CRACD: variants seen among roughly 807,000 people sequenced by gnomAD.
CRACD encodes the protein capping protein inhibiting regulator of actin dynamics, also known as capping protein-inhibiting regulator of actin dynamics.
A neutral mutation model predicts 106.8 loss-of-function variants in CRACD; 56 were observed. The observed-to-expected ratio is 0.52, with a 90% confidence interval of 0.42 to 0.66. The LOEUF (loss-of-function observed/expected upper bound fraction) is 0.66, where lower values mean the gene tolerates loss of function less well. Ranked by LOEUF, CRACD falls within the 30% of genes least tolerant of loss-of-function variation. The pLI is 0.00. For missense variants in CRACD, 1,730 were observed against 1,623.2 expected, an observed-to-expected ratio of 1.07 and a Z score of -1.13; for synonymous variants, 754 against 670.8, an observed-to-expected ratio of 1.12 and a Z score of -1.92.
intron 1 of CRACD, among the ~76,000 whole-genome samples, chr4:56,160,940 C>T (rs961249101): frequency 6.6e-6 from 1 of 152,116 alleles, no homozygotes; most frequent in Non-Finnish European, 1.5e-5. Context: ...ACCTGTTCAC[C>T]AATGCAGGAG....
intron 1 of CRACD, among the ~76,000 whole-genome samples, chr4:56,073,770 C>G (rs868546755): frequency 3.3e-4 from 45 of 136,070 alleles, no homozygotes; most frequent in African/African-American, 1.0e-3. Context: ...AGTCATGAAG[C>G]CTTTGCCCAT....
At chr4:56,174,928 A>G (rs1371321524) in intron 1 of CRACD, among the ~76,000 whole-genome samples, 1 of 152,218 alleles carries the variant, frequency 6.6e-6, no homozygotes, top group Non-Finnish European at 1.5e-5. Context: ...GGCATGTGTT[A>G]CATGGTGGCA....
chr4:56,116,906 C>T (rs947847996), intron 1 of CRACD, among the ~76,000 whole-genome samples: 3 of 151,744 alleles, frequency 2.0e-5, no homozygotes, highest in African/African-American at 4.8e-5. Context: ...CAGGGTTTCG[C>T]CATGTTGGCC....
intron 1 of CRACD, among the ~76,000 whole-genome samples, chr4:56,087,663 T>C (rs1179849121): frequency 6.6e-6 from 1 of 152,190 alleles, no homozygotes; most frequent in Non-Finnish European, 1.5e-5. Flanking sequence ...CTCCTACACA[T>C]CACACTCTTT....
intron 1 of CRACD, among the ~76,000 whole-genome samples, chr4:56,163,094 C>T (rs1384731597): frequency 6.6e-6 from 1 of 152,174 alleles, no homozygotes; most frequent in African/African-American, 2.4e-5. Flanking sequence ...CCTCTTCACC[C>T]TCCACGCTAT....
At chr4:56,152,344 A>G (rs1735611930) in intron 1 of CRACD, among the ~76,000 whole-genome samples, 1 of 151,602 alleles carries the variant, frequency 6.6e-6, no homozygotes, top group Admixed American at 6.6e-5. Context: ...TTTGTAATAA[A>G]TATTTTTGGC....
intron 1 of CRACD, among the ~76,000 whole-genome samples, chr4:56,130,010 A>G (rs1344524490): frequency 3.9e-5 from 6 of 152,204 alleles, no homozygotes; most frequent in Non-Finnish European, 5.9e-5. Context: ...ACAATGGCTC[A>G]TATGTGTAGT....
At chr4:56,075,545 A>G (rs189470977) in intron 1 of CRACD, among the ~76,000 whole-genome samples, 130 of 152,160 alleles carry the variant, frequency 8.5e-4, no homozygotes, top group African/African-American at 3.1e-3. Context: ...CCCCTTCATC[A>G]TTTTTTATTG....
intron 4 of CRACD, chr4:56,301,227 C>T (rs1577879604): frequency 3.9e-6 from 5 of 1,286,750 alleles, no homozygotes; most frequent in East Asian, 5.6e-5. Flanking sequence ...ATTTTTCAGT[C>T]GACTAAGCAG....
chr4:56,255,810 G>T (rs1407116505), intron 2 of CRACD, among the ~76,000 whole-genome samples: 1 of 152,134 alleles, frequency 6.6e-6, no homozygotes, highest in African/African-American at 2.4e-5. Flanking sequence ...TTGGATTTTG[G>T]AGGCAACGTA....
chr4:56,243,770 C>T (rs1740508339), intron 2 of CRACD, among the ~76,000 whole-genome samples: 1 of 152,160 alleles, frequency 6.6e-6, no homozygotes, highest in Non-Finnish European at 1.5e-5. Flanking sequence ...CTTCGAGTTA[C>T]AAACAATCCA....
intron 1 of CRACD, among the ~76,000 whole-genome samples, chr4:56,072,076 C>T (rs1226273797): frequency 1.4e-5 from 2 of 145,622 alleles, no homozygotes; most frequent in East Asian, 4.0e-4. Flanking sequence ...TGCAGTGAGC[C>T]GAGATCGCGC....
intron 3 of CRACD, among the ~76,000 whole-genome samples, chr4:56,278,682 TATC>T (rs1742816311): frequency 6.6e-6 from 1 of 152,198 alleles, no homozygotes; most frequent in Non-Finnish European, 1.5e-5. Flanking sequence ...TTACAAATGA[TATC>T]ATCAAGAAAG....
At chr4:56,323,786 C>A (rs956712505) in intron 9 of CRACD, among the ~76,000 whole-genome samples, 2 of 152,228 alleles carry the variant, frequency 1.3e-5, no homozygotes, top group Admixed American at 6.5e-5. Context: ...TTGCCATAAT[C>A]CACGATACGC....
intron 1 of CRACD, among the ~76,000 whole-genome samples, chr4:56,138,658 A>G (rs1735089128): frequency 6.6e-6 from 1 of 152,154 alleles, no homozygotes; most frequent in African/African-American, 2.4e-5. Flanking sequence ...ACTATCCTGT[A>G]CTATGAGACT....
intron 1 of CRACD, among the ~76,000 whole-genome samples, chr4:56,121,752 TC>T (rs1734491530): frequency 6.6e-6 from 1 of 152,222 alleles, no homozygotes; most frequent in Non-Finnish European, 1.5e-5. Flanking sequence ...TGAATCCACT[TC>T]CACAGATGTA....
At chr4:56,121,216 T>G (rs1734471254) in intron 1 of CRACD, among the ~76,000 whole-genome samples, 2 of 152,240 alleles carry the variant, frequency 1.3e-5, no homozygotes, top group Admixed American at 1.3e-4. Context: ...ATTGTAAAGA[T>G]ACTCATATTC....
chr4:56,293,500 A>G (rs2109706712), intron 3 of CRACD, among the ~76,000 whole-genome samples: 1 of 152,372 alleles, frequency 6.6e-6, no homozygotes, highest in South Asian at 2.1e-4. Context: ...CTCTGAAGAA[A>G]TACCTGAGAC....
Position 56,315,790 on chromosome 4 carries a change from C to T in CRACD, c.2288C>T (p.Pro763Leu). 1 of 1,614,220 alleles carries T rather than the reference C, an allele frequency of 6.2e-7. No individual in the cohort carries two copies. Among genetic ancestry groups the T allele is most frequent in the Non-Finnish European group, 8.5e-7 (1 of 1,180,040 alleles). ...PSEETAPQPP[P>L]AGVRELGKGP... Reference sequence around the variant, plus strand: ...GAAGAGACAGCCCCCCAGCCTCCTCCTGCTGGTGTTCGCGAGCTCGGGAAG... The same window carrying T: ...GAAGAGACAGCCCCCCAGCCTCCTCTTGCTGGTGTTCGCGAGCTCGGGAAG... The change falls in exon 8 of 11, where the codon CCT (proline) becomes CTT (leucine). Residue 763 changes from proline to leucine, a missense_variant. Transcript: ENST00000682029. This position sits in a 1 kb window ranked among gnomAD's most constrained non-coding sequence, Gnocchi z 4.1.
Sources: allele counts gnomAD v4.1 joint callset (sites outside exome capture counted in the v4.1 genomes callset), GRCh38; gene constraint gnomAD v4.1.1; non-coding constraint Gnocchi (gnomAD v3.1); transcripts MANE v1.5; gene names NCBI Gene and HGNC (gene_info 2026-07-23, HGNC 2026-07-21).